HPSE2: variants seen among roughly 807,000 people sequenced by gnomAD.
The protein encoded by HPSE2 is heparanase 2 (inactive).
Under a neutral mutation model 60.5 loss-of-function variants are expected in HPSE2, and 38 were observed. The ratio of observed to expected loss-of-function variants is 0.63; its 90% CI spans 0.48 to 0.82. The LOEUF (loss-of-function observed/expected upper bound fraction) is 0.82. HPSE2 is among the 40% of genes least tolerant of loss of function. The pLI is 0.00. For synonymous variants in HPSE2, 295 were observed against 293.2 expected (o/e 1.01, Z -0.06); for missense variants, 713 against 740.4 (o/e 0.96, Z 0.43).
chr10:98,898,685 C>G (rs895042536), intron 3 of HPSE2, among the ~76,000 whole-genome samples: 3 of 151,994 alleles, frequency 2.0e-5, no homozygotes, highest in Non-Finnish European at 4.4e-5. Context: ...AATAAAACAG[C>G]ACACAAAAGT....
chr10:99,009,530 A>G (rs2135395820), intron 3 of HPSE2, among the ~76,000 whole-genome samples: 1 of 152,336 alleles, frequency 6.6e-6, no homozygotes, highest in African/African-American at 2.4e-5. Flanking sequence ...ACCATCTGGA[A>G]GTACTGATTC....
the HPSE2 span, among the ~76,000 whole-genome samples, chr10:99,241,854 C>G: frequency 6.6e-6 from 1 of 152,158 alleles, no homozygotes. Flanking sequence ...ATCCCCTTAA[C>G]TAATGACTAT....
At chr10:98,821,517 G>T (rs1470502988) in intron 3 of HPSE2, among the ~76,000 whole-genome samples, 1 of 152,132 alleles carries the variant, frequency 6.6e-6, no homozygotes, top group Non-Finnish European at 1.5e-5. Context: ...ACTACATGCA[G>T]CACGTGACTA....
At chr10:98,954,622 T>C (rs1955456990) in intron 3 of HPSE2, among the ~76,000 whole-genome samples, 1 of 152,154 alleles carries the variant, frequency 6.6e-6, no homozygotes, top group African/African-American at 2.4e-5. Flanking sequence ...TCAAAAGAGA[T>C]GGCAAGTTGA....
chr10:99,001,048 ATGT>A (rs1185727745), intron 3 of HPSE2, among the ~76,000 whole-genome samples: 3 of 152,078 alleles, frequency 2.0e-5, no homozygotes, highest in Admixed American at 2.0e-4. Context: ...TATAAAACTA[ATGT>A]TGTCTCTTTG....
chr10:98,899,086 A>G (rs936760099), intron 3 of HPSE2, among the ~76,000 whole-genome samples: 3 of 152,240 alleles, frequency 2.0e-5, no homozygotes, highest in Non-Finnish European at 4.4e-5. Context: ...TTTTTTCTGC[A>G]AAGGGCAAAA....
At position 99,014,987 on chromosome 10, in the gene HPSE2, C is replaced by T. The variant is rs553474845; in HGVS notation, c.610+129251G>A. 1.8e-3 allele frequency among the ~76,000 whole-genome samples: 275 copies of T among 152,140 alleles called. 4 individuals carry two copies. The Middle Eastern group carries it at 0.024, about 13-fold the overall frequency. On this transcript the variant is annotated intron_variant, in intron 3 of 11. Transcript: ENST00000370552. ...AACAAATTTACAAGAAAAAAACAACCCCATCAAAAAGTGGGCGAAGGATAT... is the reference window on the plus strand; with the variant it reads ...AACAAATTTACAAGAAAAAAACAACTCCATCAAAAAGTGGGCGAAGGATAT...
At chr10:98,513,218 T>C (rs10883111) in intron 9 of HPSE2, among the ~76,000 whole-genome samples, 76,150 of 152,042 alleles carry the variant, frequency 0.5, 21,367 homozygotes, top group South Asian at 0.65. Flanking sequence ...CTTGCTTCTC[T>C]TACCCAGTCT....
At chr10:99,303,480 G>C in the HPSE2 span, among the ~76,000 whole-genome samples, 1 of 152,230 alleles carries the variant, frequency 6.6e-6, no homozygotes, top group Admixed American at 6.5e-5. Context: ...GTTCGACCAG[G>C]AAACTTAGTC....
intron 6 of HPSE2, among the ~76,000 whole-genome samples, chr10:98,684,302 G>A (rs988933335): frequency 1.3e-5 from 2 of 152,146 alleles, no homozygotes; most frequent in African/African-American, 2.4e-5. Flanking sequence ...TATCTCCAAG[G>A]AGAAGATGAA....
At chr10:98,760,053 G>A (rs1949970793) in intron 3 of HPSE2, among the ~76,000 whole-genome samples, 1 of 151,450 alleles carries the variant, frequency 6.6e-6, no homozygotes, top group Non-Finnish European at 1.5e-5. Flanking sequence ...ATTGTAATGG[G>A]GTTTTAAAAA....
At chr10:99,199,676 T>C (rs1324874965) in intron 2 of HPSE2, among the ~76,000 whole-genome samples, 1 of 152,144 alleles carries the variant, frequency 6.6e-6, no homozygotes, top group South Asian at 2.1e-4. Context: ...TTTTAATTAA[T>C]GTAGCTCTGT....
At chr10:99,090,078 T>C (rs777918162) in intron 3 of HPSE2, among the ~76,000 whole-genome samples, 2 of 152,100 alleles carry the variant, frequency 1.3e-5, no homozygotes, top group African/African-American at 4.8e-5. Context: ...TTTGGATGAG[T>C]CTTTAGGGTT....
chr10:98,957,879 C>A (rs1044824324), intron 3 of HPSE2, among the ~76,000 whole-genome samples: 1 of 152,140 alleles, frequency 6.6e-6, no homozygotes, highest in Admixed American at 6.6e-5. Flanking sequence ...CCAGAAAAGG[C>A]TCTCTTAACC....
intron 3 of HPSE2, among the ~76,000 whole-genome samples, chr10:99,140,818 C>G (rs1845840370): frequency 6.6e-6 from 1 of 152,148 alleles, no homozygotes; most frequent in South Asian, 2.1e-4. Flanking sequence ...GTGGGCGGAT[C>G]ACAAGGTCAG....
rs1554950578 is a variant in HPSE2, at chr10:98,600,926, T to TATATATATATATATATATA, written c.1320+13977_1320+13978insTATATATATATATATATAT. Among the ~76,000 whole-genome samples, 76 of 107,878 alleles carry TATATATATATATATATATA rather than the reference T, an allele frequency of 7.0e-4. 1 individual carries two copies. The highest frequency in any genetic ancestry group is 2.3e-3 in the South Asian group (7 of 3,052). The allele number at this position is 107,878 out of a possible 152,430, so 70.8% of individuals were successfully genotyped here. A position where few individuals can be genotyped will look rare whatever the true frequency, so the allele number is the denominator to read the frequency against. On this transcript the variant is annotated intron_variant, in intron 9 of 11. Coordinates refer to ENST00000370552, the MANE Select transcript of HPSE2 (RefSeq NM_021828.5). ...ATGTGTGTGTGTATATATATATATA[T>TATATATATATATATATATA]ATATATATATATATAGAAAGAGAGA...
intron 9 of HPSE2, among the ~76,000 whole-genome samples, chr10:98,605,277 A>G (rs1945545579): frequency 6.6e-6 from 1 of 152,218 alleles, no homozygotes; most frequent in Non-Finnish European, 1.5e-5. Flanking sequence ...TGAACAAGAC[A>G]GAATTTAACA....
rs1030670307 is a variant in HPSE2 at position 98,937,274 on chromosome 10, A to T, written c.611-193218T>A. Among the ~76,000 whole-genome samples the T allele has an allele frequency of 1.3e-4, 19 of 144,470 alleles. 2 individuals carry two copies. Among genetic ancestry groups the T allele is most frequent in the Non-Finnish European group, 2.8e-4 (19 of 67,256 alleles). 94.8% of individuals were successfully genotyped at this position (144,470 alleles called of 152,430 possible). The stretch of plus-strand genomic sequence containing the variant: ...CAGCGCACCGTGCGCAAGCTGAAGC[A>T]GGGCAAGGCATTGCCTCACTCAGGA... On this transcript the variant is annotated intron_variant, in intron 3 of 11. Transcript: ENST00000370552.
At chr10:98,560,281 C>A (rs1944133955) in intron 9 of HPSE2, among the ~76,000 whole-genome samples, 1 of 152,194 alleles carries the variant, frequency 6.6e-6, no homozygotes, top group Admixed American at 6.5e-5. Flanking sequence ...TGATAGGCAC[C>A]ACCCACTGCT....
Sources: gnomAD v4.1 joint callset for allele counts (sites outside exome capture counted in the v4.1 genomes callset) on GRCh38, gnomAD v4.1.1 for gene constraint, MANE v1.5 for transcripts, NCBI Gene and HGNC (gene_info 2026-07-23, HGNC 2026-07-21) for gene names.